Variants in CDYL observed in about 807,000 individuals in gnomAD.
The protein encoded by CDYL is chromodomain Y like.
CDYL carries 8 observed loss-of-function variants against 47.3 expected under a neutral mutation model. The ratio of observed to expected loss-of-function variants is 0.17; its 90% CI spans 0.10 to 0.31. CDYL has a LOEUF of 0.31. Ranked by LOEUF, CDYL falls within the 10% of genes least tolerant of loss-of-function variation. The pLI is 1.00. For missense variants in CDYL, 471 were observed against 701.4 expected, an observed-to-expected ratio of 0.67 and a Z score of 3.71; for synonymous variants, 266 against 265.0, an observed-to-expected ratio of 1.00 and a Z score of -0.04.
chr6:4,753,813 T>A (rs548614449), intron 3 of CDYL, among the ~76,000 whole-genome samples: 17 of 152,344 alleles, frequency 1.1e-4, no homozygotes, highest in Non-Finnish European at 2.1e-4. Context: ...AACTTTTTAA[T>A]CTTATGATTA....
exon 2 of CDYL, chr6:4,715,859 G>T (rs142478254): frequency 5.8e-5 from 94 of 1,614,022 alleles, no homozygotes; most frequent in Non-Finnish European, 7.3e-5. Flanking sequence ...CAACCCAAAA[G>T]TTATTCCTGA....
At chr6:4,785,177 G>A (rs1378787417) in intron 1 of CDYL, among the ~76,000 whole-genome samples, 1 of 152,174 alleles carries the variant, frequency 6.6e-6, no homozygotes, top group Non-Finnish European at 1.5e-5. Flanking sequence ...CTACCATACA[G>A]CCTAGGTGTG....
At chr6:4,735,446 G>T (rs1427230612) in intron 3 of CDYL, among the ~76,000 whole-genome samples, 1 of 151,888 alleles carries the variant, frequency 6.6e-6, no homozygotes, top group Non-Finnish European at 1.5e-5. Context: ...CACTTTATTA[G>T]GATATAATTG....
chr6:4,834,500 C>T (rs1178609144), intron 1 of CDYL, among the ~76,000 whole-genome samples: 1 of 149,824 alleles, frequency 6.7e-6, no homozygotes, highest in African/African-American at 2.5e-5. Flanking sequence ...TCTGGCTGCC[C>T]TTAACATTTT....
At chr6:4,783,604 A>G (rs1758676882) in intron 1 of CDYL, among the ~76,000 whole-genome samples, 1 of 151,822 alleles carries the variant, frequency 6.6e-6, no homozygotes, top group South Asian at 2.1e-4. Context: ...TTTAGTAGAG[A>G]TGGGGTTTCA....
chr6:4,942,821 C>G (rs1041736273), intron 4 of CDYL, among the ~76,000 whole-genome samples: 2 of 152,228 alleles, frequency 1.3e-5, no homozygotes, highest in African/African-American at 4.8e-5. Flanking sequence ...CCCCACTGTC[C>G]TCCGAACTCC....
At chr6:4,820,912 A>C (rs7747591) in intron 1 of CDYL, among the ~76,000 whole-genome samples, 52,134 of 152,042 alleles carry the variant, frequency 0.34, 11,780 homozygotes, top group African/African-American at 0.65. Flanking sequence ...GCAGGCCTTG[A>C]CTCACATCTG....
intron 1 of CDYL, among the ~76,000 whole-genome samples, chr6:4,862,707 C>T (rs763716245): frequency 7.9e-5 from 12 of 152,038 alleles, no homozygotes; most frequent in Non-Finnish European, 1.6e-4. Context: ...TTTGTAATTC[C>T]TAGACTATTT....
chr6:4,824,698 C>T (rs1038889020), intron 1 of CDYL, among the ~76,000 whole-genome samples: 1 of 152,018 alleles, frequency 6.6e-6, no homozygotes, highest in Non-Finnish European at 1.5e-5. Flanking sequence ...TTGAAACACA[C>T]AAGTTTTTAA....
At chr6:4,896,058 G>A (rs1025402531) in intron 2 of CDYL, among the ~76,000 whole-genome samples, 1 of 152,140 alleles carries the variant, frequency 6.6e-6, no homozygotes, top group Non-Finnish European at 1.5e-5. Flanking sequence ...CCTGGGCGCT[G>A]GTCAGATCAG....
intron 1 of CDYL, among the ~76,000 whole-genome samples, chr6:4,822,591 G>T (rs1759872468): frequency 6.6e-6 from 1 of 152,118 alleles, no homozygotes; most frequent in Non-Finnish European, 1.5e-5. Context: ...GGGTCTCCAG[G>T]AGCCACCAGC....
At position 4,952,381 on chromosome 6, in the gene CDYL, T is replaced by C; in HGVS notation, c.1448T>C (p.Ile483Thr). The change falls in exon 6 of 7, where the codon ATT becomes ACT. Residue 483 changes from isoleucine to threonine, a missense_variant. Physicochemically the swap from Ile to Thr is moderately conservative, Grantham distance 89. Around this residue, in one of 3 missense-constraint regions of CDYL, gnomAD observed 103 missense variants for 277.1 expected, o/e 0.37. Coordinates refer to ENST00000397588, the MANE Select transcript of CDYL (RefSeq NM_004824.4). ...TTCACTCAGGAAGTGATGGTTCGCATTAAGGAGCTTGCCTCGTGCAATCCA... is the reference window on the plus strand; with the variant it reads ...TTCACTCAGGAAGTGATGGTTCGCACTAAGGAGCTTGCCTCGTGCAATCCA... Reference protein sequence around the residue: ...GTFTQEVMVRIKELASCNPVV... With the variant: ...GTFTQEVMVRTKELASCNPVV... The C allele has an allele frequency of 6.2e-7, 1 of 1,614,208 alleles. No individual in the cohort carries two copies. Among genetic ancestry groups the C allele is most frequent in the Non-Finnish European group, 8.5e-7 (1 of 1,180,024 alleles).
chr6:4,927,917 T>A (rs76195939), intron 2 of CDYL, among the ~76,000 whole-genome samples: 4 of 152,238 alleles, frequency 2.6e-5, no homozygotes, highest in Non-Finnish European at 5.9e-5. Context: ...AACAAGACTT[T>A]TGCTATTTAT....
chr6:4,845,062 G>A lies in CDYL; in HGVS notation c.25-46651G>A, dbSNP rs557047092. ...TGAGATACTCCAAAGTGCACTTACT[G>A]AATTTCAAAATTATTGTACATTGCT... On this transcript the variant is annotated intron_variant, in intron 1 of 6. Coordinates refer to ENST00000397588, the MANE Select transcript of CDYL (RefSeq NM_004824.4). Among the ~76,000 whole-genome samples the A allele has an allele frequency of 4.6e-5, 7 of 152,288 alleles. No homozygotes were observed. The South Asian group carries it at 1.2e-3, about 27-fold the overall frequency.
chr6:4,715,676 C>A, intron 1 of CDYL: 1 of 1,452,542 alleles, frequency 6.9e-7, no homozygotes, highest in Non-Finnish European at 9.3e-7. Flanking sequence ...TCATTAAATG[C>A]CATGAGCCTT....
chr6:4,815,783 G>C (rs918228154), intron 1 of CDYL, among the ~76,000 whole-genome samples: 1 of 146,558 alleles, frequency 6.8e-6, no homozygotes, highest in African/African-American at 2.5e-5. Flanking sequence ...CAGTGGTCCC[G>C]TGTCAGCATT....
At chr6:4,823,265 A>G (rs545717629) in intron 1 of CDYL, among the ~76,000 whole-genome samples, 1 of 152,328 alleles carries the variant, frequency 6.6e-6, no homozygotes, top group East Asian at 1.9e-4. Flanking sequence ...ACAAAGAACA[A>G]ATATTCAGAG....
intron 4 of CDYL, among the ~76,000 whole-genome samples, chr6:4,939,271 G>T (rs1332755590): frequency 6.6e-6 from 1 of 152,088 alleles, no homozygotes; most frequent in Non-Finnish European, 1.5e-5. Flanking sequence ...AGCAGGATTG[G>T]TGTGGTGGGT....
At chr6:4,755,266 TC>T (rs1758058236) in intron 3 of CDYL, among the ~76,000 whole-genome samples, 1 of 151,846 alleles carries the variant, frequency 6.6e-6, no homozygotes, top group African/African-American at 2.4e-5. Context: ...AGACGGGGTT[TC>T]CCCCTGTTGG....
Sources: allele counts gnomAD v4.1 joint callset (sites outside exome capture counted in the v4.1 genomes callset), GRCh38; gene constraint gnomAD v4.1.1; regional missense constraint gnomAD v4.1.1; transcripts MANE v1.5; gene names NCBI Gene and HGNC (gene_info 2026-07-23, HGNC 2026-07-21).